The following SLC11A1 variants were observed in gnomAD, a reference collection of about 807,000 sequenced individuals.
The protein encoded by SLC11A1 is solute carrier family 11 member 1, also known as natural resistance-associated macrophage protein 1.
SLC11A1 carries 59 observed loss-of-function variants against 63.2 expected under a neutral mutation model. The ratio of observed to expected loss-of-function variants is 0.93; its 90% CI spans 0.76 to 1.16. SLC11A1 has a LOEUF of 1.16. SLC11A1 is among the 50% of genes most tolerant of loss of function. SLC11A1 has a pLI of 0.00. For synonymous variants in SLC11A1, 305 were observed against 307.8 expected (o/e 0.99, Z 0.09); for missense variants, 688 against 730.7 (o/e 0.94, Z 0.67).
At chr2:218,385,756 G>A (rs1001478016) in intron 4 of SLC11A1, among the ~76,000 whole-genome samples, 8 of 152,172 alleles carry the variant, frequency 5.3e-5, no homozygotes, top group African/African-American at 1.7e-4. Context: ...AGAGGGACAT[G>A]AGAGGCATGT....
intron 12 of SLC11A1, among the ~76,000 whole-genome samples, chr2:218,393,529 T>A (rs889999476): frequency 1.3e-5 from 2 of 148,446 alleles, no homozygotes; most frequent in Non-Finnish European, 3.0e-5. Flanking sequence ...CAGGCTAGAG[T>A]GCAGTGGTGA....
chr2:218,389,983 G>C lies in SLC11A1; in HGVS notation c.909G>C (p.Met303Ile). 1 of 1,613,758 alleles carries C rather than the reference G, an allele frequency of 6.2e-7. No individual in the cohort carries two copies. Among genetic ancestry groups the C allele is most frequent in the Non-Finnish European group, 8.5e-7 (1 of 1,179,846 alleles). Residue 303 changes from methionine (M) to isoleucine (I), a missense_variant, in exon 9 of 15, where the codon ATG (methionine) becomes ATC (isoleucine). Coordinates refer to ENST00000233202, the MANE Select transcript of SLC11A1 (RefSeq NM_000578.4). ...CCTTTATCATCAACCTCTTTGTCAT[G>C]GCTGTCTTTGGGCAGGCCTTCTACC... ...SVSFIINLFV[M>I]AVFGQAFYQK...
intron 11 of SLC11A1, chr2:218,392,100 G>A (rs143681234): frequency 0.01 from 3,939 of 391,988 alleles, 153 homozygotes; most frequent in African/African-American, 0.079. Flanking sequence ...ACGGCGTTTC[G>A]CTCTTATTGC....
chr2:218,390,065 C>A, intron 9 of SLC11A1, 37 bp downstream of exon 9: 1 of 1,588,622 alleles, frequency 6.3e-7, no homozygotes, highest in Non-Finnish European at 8.6e-7. Flanking sequence ...AGGCCACACA[C>A]GTACTCATGT....
chr2:218,387,416 C>G lies in SLC11A1; in HGVS notation c.572-149C>G, dbSNP rs1696162249. 4 of 973,982 alleles carry G rather than the reference C, an allele frequency of 4.1e-6. No homozygotes were observed. The South Asian group carries it at 6.1e-5, about 15-fold the overall frequency. 60.3% of individuals were successfully genotyped at this position (973,982 alleles called of 1,614,324 possible). A position where few individuals can be genotyped will look rare whatever the true frequency, so the allele number is the denominator to read the frequency against. ...CATGGGGAAATAATAGCACAGACTTCAGAGGGTGGTTGTGAAGACTGAGTG... is the reference window on the plus strand; with the variant it reads ...CATGGGGAAATAATAGCACAGACTTGAGAGGGTGGTTGTGAAGACTGAGTG... On this transcript the variant is annotated intron_variant, in intron 6 of 14. Coordinates refer to ENST00000233202, the MANE Select transcript of SLC11A1 (RefSeq NM_000578.4).
chr2:218,386,243 G>C lies in SLC11A1; in HGVS notation c.394-392G>C, dbSNP rs534319318. Among the ~76,000 whole-genome samples, 6 of 152,178 alleles carry C rather than the reference G, an allele frequency of 3.9e-5. No homozygotes were observed. In the South Asian group the frequency reaches 1.2e-3, roughly 32 times the overall value. ...CAAGGCGGGTGGATCACCTGAGGTC[G>C]GGAGTTCGAGACCAGCCTGACCAAC... On this transcript the variant is annotated intron_variant, in intron 4 of 14. Coordinates refer to ENST00000233202, the MANE Select transcript of SLC11A1 (RefSeq NM_000578.4).
chr2:218,385,048 C>G (rs6734861), intron 3 of SLC11A1, 99 bp from the exon 4 acceptor site: 389,170 of 1,520,684 alleles, frequency 0.26, 52,665 homozygotes, highest in Admixed American at 0.3. Context: ...CTCTCCCACC[C>G]CCTCCCCGAG....
rs1178711277 is a variant in SLC11A1, at chr2:218,387,238, C to T, written c.571+8C>T. On this transcript the variant is annotated splice_region_variant and intron_variant, in intron 6 of 14. Transcript: ENST00000233202. The stretch of plus-strand genomic sequence containing the variant: ...TCTTCCTCGATAACTACGGTGGGTG[C>T]ACACCCCACCTCATAGGGGAGTGGT... The T allele has an allele frequency of 1.0e-5, 16 of 1,606,998 alleles. No homozygotes were observed. The highest frequency in any genetic ancestry group is 1.3e-5 in the African/African-American group (1 of 74,852).
chr2:218,391,231 T>A lies in SLC11A1; in HGVS notation c.988T>A (p.Tyr330Asn). ...NICANSSLHD[Y>N]AKIFPMNNAT... ...CTGTGCCAACAGCAGCCTCCACGAC[T>A]ACGCCAAGATCTTCCCCATGAACAA... The change falls in exon 10 of 15, where the codon TAC (tyrosine) becomes AAC (asparagine). Residue 330 changes from tyrosine (Y) to asparagine (N), a missense_variant. Physicochemically the swap from Tyr to Asn is moderately radical, Grantham distance 143. Coordinates refer to ENST00000233202, the MANE Select transcript of SLC11A1 (RefSeq NM_000578.4). 6.5e-7 allele frequency: 1 copy of A among 1,540,294 alleles called. No individual in the cohort carries two copies. Among genetic ancestry groups the A allele is most frequent in the Non-Finnish European group, 8.8e-7 (1 of 1,135,932 alleles).
intron 4 of SLC11A1, 54 bp downstream of exon 4, chr2:218,385,320 C>T (rs1252371947): frequency 6.2e-7 from 1 of 1,610,572 alleles, no homozygotes; most frequent in Non-Finnish European, 8.5e-7. Flanking sequence ...CCCCAAACAG[C>T]CATTTTCAGC....
intron 1 of SLC11A1, among the ~76,000 whole-genome samples, 175 bp downstream of exon 1, chr2:218,382,550 G>A (rs1022172904): frequency 1.3e-5 from 2 of 152,148 alleles, no homozygotes; most frequent in Admixed American, 1.3e-4. Flanking sequence ...AATCTCACTG[G>A]GTGGAGTCCT....
chr2:218,394,081 G>A (rs1452622435), intron 12 of SLC11A1, 39 bp from the exon 13 acceptor site: 3 of 1,609,862 alleles, frequency 1.9e-6, no homozygotes, highest in Non-Finnish European at 2.5e-6. Flanking sequence ...ATATTCTGAG[G>A]CAGAATTCCT....
At chr2:218,391,574 T>C in intron 11 of SLC11A1, 79 bp downstream of exon 11, 1 of 1,393,804 alleles carries the variant, frequency 7.2e-7, no homozygotes, top group Non-Finnish European at 9.6e-7. Context: ...ACTCCGAGCC[T>C]TGTGGGTCCT....
Position 218,384,564 on chromosome 2 carries a change from T to C in SLC11A1, c.273+199T>C, listed in dbSNP as rs1695975048. On this transcript the variant is annotated intron_variant, in intron 3 of 14. Transcript: ENST00000233202. This position sits in a 1 kb window ranked among gnomAD's most constrained non-coding sequence, Gnocchi z 4.0. ...TGGGGGGTAGGGGACTGGACTCCTC[T>C]CTTTAAAATATATATATGTATATTT... is the stretch of plus-strand genomic sequence containing the variant. The C allele has an allele frequency of 1.0e-5, 3 of 287,606 alleles. No homozygotes were observed. The highest frequency in any genetic ancestry group is 2.1e-3 in the Middle Eastern group (2 of 940). The allele number at this position is 287,606 out of a possible 1,614,324, so 17.8% of individuals were successfully genotyped here. A position where few individuals can be genotyped will look rare whatever the true frequency, so the allele number is the denominator to read the frequency against.
At chr2:218,389,561 A>G (rs1488985784) in intron 8 of SLC11A1, among the ~76,000 whole-genome samples, 1 of 150,572 alleles carries the variant, frequency 6.6e-6, no homozygotes, top group Non-Finnish European at 1.5e-5. Context: ...TCTAAAAAAT[A>G]AAATAAAGTA....
Position 218,384,067 on chromosome 2 carries a change from C to G in SLC11A1, c.151-176C>G. On this transcript the variant is annotated intron_variant, in intron 2 of 14. Transcript: ENST00000233202. This position sits in a 1 kb window ranked among gnomAD's most constrained non-coding sequence, Gnocchi z 4.0. ...ATCCTCTGTGACTCATCAGAGCATG[C>G]TGCTTCCTCCACCCATGCCCTCCCC... 1.9e-6 allele frequency: 1 copy of G among 536,100 alleles called. No individual in the cohort carries two copies. The highest frequency in any genetic ancestry group is 3.2e-6 in the Non-Finnish European group (1 of 315,336). The allele number at this position is 536,100 out of a possible 1,614,324, so 33.2% of individuals were successfully genotyped here.
chr2:218,395,253 T>C lies in SLC11A1; in HGVS notation c.*218T>C, dbSNP rs895854527. ...AATGGAGACACCACCACCCTTGCCA[T>C]GGAGGTTAAGCACTTTAACACAGTG... On this transcript the variant is annotated 3_prime_UTR_variant, in exon 15 of 15. Coordinates refer to ENST00000233202, the MANE Select transcript of SLC11A1 (RefSeq NM_000578.4). The C allele has an allele frequency of 5.3e-6, 3 of 568,270 alleles. No individual in the cohort carries two copies. The highest frequency in any genetic ancestry group is 9.4e-6 in the Non-Finnish European group (3 of 317,560). 35.2% of individuals were successfully genotyped at this position (568,270 alleles called of 1,614,324 possible). A position where few individuals can be genotyped will look rare whatever the true frequency, so the allele number is the denominator to read the frequency against.
chr2:218,389,104 AAAT>A (rs138562502), intron 8 of SLC11A1, among the ~76,000 whole-genome samples: 146 of 147,626 alleles, frequency 9.9e-4, no homozygotes, highest in African/African-American at 3.0e-3. Flanking sequence ...GACCCTGTCA[AAAT>A]AATAATAATA....
intron 13 of SLC11A1, 124 bp from the exon 14 acceptor site, chr2:218,394,508 A>G: frequency 9.1e-7 from 1 of 1,104,634 alleles, no homozygotes; most frequent in Non-Finnish European, 1.3e-6. Flanking sequence ...TCCAGGTCCC[A>G]CAGACCAGAG....
Sources: gnomAD v4.1 joint callset for allele counts (sites outside exome capture counted in the v4.1 genomes callset) on GRCh38, gnomAD v4.1.1 for gene constraint, Gnocchi (gnomAD v3.1) non-coding constraint, MANE v1.5 for transcripts, NCBI Gene and HGNC (gene_info 2026-07-23, HGNC 2026-07-21) for gene names.